Variants in CNTN5 observed in about 807,000 individuals in gnomAD.
CNTN5 encodes the protein contactin 5.
CNTN5 carries 77 observed loss-of-function variants against 129.1 expected under a neutral mutation model. The observed-to-expected ratio is 0.60, with a 90% CI of 0.50 to 0.72. CNTN5 has a LOEUF of 0.72. CNTN5 is among the 30% of genes least tolerant of loss of function. CNTN5 has a pLI of 0.00. For synonymous variants in CNTN5, 509 were observed against 465.6 expected (o/e 1.09, Z -1.20); for missense variants, 1,478 against 1,328.8 (o/e 1.11, Z -1.75).
At chr11:99,162,156 A>G (rs184102429) in intron 1 of CNTN5, among the ~76,000 whole-genome samples, 1 of 152,242 alleles carries the variant, frequency 6.6e-6, no homozygotes, top group East Asian at 1.9e-4. Context: ...GATCTAAACT[A>G]AAAAGAGCTA....
intron 1 of CNTN5, among the ~76,000 whole-genome samples, chr11:99,147,362 T>C (rs1174766863): frequency 1.3e-5 from 2 of 152,170 alleles, no homozygotes; most frequent in Non-Finnish European, 2.9e-5. Context: ...TAATGGAATA[T>C]CCAAATATAA....
At chr11:99,246,569 C>A (rs1479503118) in intron 1 of CNTN5, among the ~76,000 whole-genome samples, 1 of 152,104 alleles carries the variant, frequency 6.6e-6, no homozygotes, top group East Asian at 1.9e-4. Flanking sequence ...CATATAAATA[C>A]CTCCAAAGGC....
chr11:99,612,722 G>A (rs546329548), intron 3 of CNTN5, among the ~76,000 whole-genome samples: 1 of 152,272 alleles, frequency 6.6e-6, no homozygotes, highest in Non-Finnish European at 1.5e-5. Context: ...TGCATTCAAT[G>A]ACTCATTCCC....
chr11:99,025,228 A>G (rs537888931), intron 1 of CNTN5, among the ~76,000 whole-genome samples: 134 of 152,066 alleles, frequency 8.8e-4, no homozygotes, highest in Non-Finnish European at 1.5e-3. Context: ...TGAGTTTTCT[A>G]TGAAAAATAT....
chr11:99,316,963 A>C (rs537467316), intron 1 of CNTN5, among the ~76,000 whole-genome samples: 3 of 152,266 alleles, frequency 2.0e-5, no homozygotes, highest in Non-Finnish European at 2.9e-5. Flanking sequence ...AGAAGTGCTA[A>C]CAGCTGCGAT....
chr11:99,068,798 TTTTG>T (rs1436822518), intron 1 of CNTN5, among the ~76,000 whole-genome samples: 2 of 152,156 alleles, frequency 1.3e-5, no homozygotes, highest in Non-Finnish European at 2.9e-5. Flanking sequence ...ACTGAGTATA[TTTTG>T]TTTGAGTAAA....
chr11:99,499,834 A>C (rs116555114), intron 2 of CNTN5, among the ~76,000 whole-genome samples: 1 of 152,312 alleles, frequency 6.6e-6, no homozygotes, highest in South Asian at 2.1e-4. Flanking sequence ...TGTGTTTCCT[A>C]TGAAATTCAT....
At chr11:99,519,450 G>A (rs1223532497) in intron 2 of CNTN5, among the ~76,000 whole-genome samples, 1 of 152,064 alleles carries the variant, frequency 6.6e-6, no homozygotes, top group East Asian at 1.9e-4. Context: ...GTGGGGATAT[G>A]TGTGTTTCTG....
intron 13 of CNTN5, among the ~76,000 whole-genome samples, chr11:100,146,681 T>G (rs1177163690): frequency 6.6e-6 from 1 of 152,122 alleles, no homozygotes; most frequent in African/African-American, 2.4e-5. Flanking sequence ...CTGTTGAAAA[T>G]ATAATATAGT....
In CNTN5 at chr11:99,272,913, C is replaced by T. The variant is rs577004651; in HGVS notation, c.-209-52433C>T. ...AAACTTATAACATTTAAAGAAAATA[C>T]TCCTTATAAAATTTTGTATTCAAAT... On this transcript the variant is annotated intron_variant, in intron 1 of 24. Coordinates refer to ENST00000524871, the MANE Select transcript of CNTN5 (RefSeq NM_014361.4). Among the ~76,000 whole-genome samples the T allele has an allele frequency of 3.2e-4, 48 of 151,942 alleles. 2 individuals are homozygous for T. In the South Asian group the frequency reaches 7.1e-3, roughly 22 times the overall value.
At chr11:99,392,081 T>C (rs1941290422) in intron 2 of CNTN5, among the ~76,000 whole-genome samples, 2 of 151,908 alleles carry the variant, frequency 1.3e-5, no homozygotes, top group African/African-American at 4.8e-5. Context: ...GTGAGGTGTG[T>C]AGAACTTGGA....
At chr11:99,663,637 C>T (rs1457699170) in intron 3 of CNTN5, among the ~76,000 whole-genome samples, 1 of 152,122 alleles carries the variant, frequency 6.6e-6, no homozygotes, top group African/African-American at 2.4e-5. Context: ...TGGTTTCCCC[C>T]ATGCTGTTCT....
intron 8 of CNTN5, among the ~76,000 whole-genome samples, chr11:99,970,914 A>G (rs1396854848): frequency 6.6e-6 from 1 of 151,972 alleles, no homozygotes; most frequent in Non-Finnish European, 1.5e-5. Context: ...TGACTCCATA[A>G]TTTTTCTTTC....
At chr11:99,567,800 C>T (rs1017387942) in intron 3 of CNTN5, among the ~76,000 whole-genome samples, 45 of 152,132 alleles carry the variant, frequency 3.0e-4, no homozygotes, top group African/African-American at 9.9e-4. Flanking sequence ...ATCAGCTGTG[C>T]CCTGGCGGTA....
intron 3 of CNTN5, among the ~76,000 whole-genome samples, chr11:99,632,624 G>A (rs11220742): frequency 0.2 from 30,146 of 152,114 alleles, 3,041 homozygotes; most frequent in South Asian, 0.29. Flanking sequence ...AAAATTGAAA[G>A]TAGAGAATAT....
intron 2 of CNTN5, among the ~76,000 whole-genome samples, chr11:99,549,758 C>T (rs1948420875): frequency 1.3e-5 from 2 of 152,094 alleles, no homozygotes; most frequent in Non-Finnish European, 2.9e-5. Context: ...AGTCGTGAGC[C>T]ATAGTTGTGT....
intron 13 of CNTN5, among the ~76,000 whole-genome samples, chr11:100,134,153 G>C (rs1455334080): frequency 6.6e-6 from 1 of 152,004 alleles, no homozygotes; most frequent in African/African-American, 2.4e-5. Context: ...GATAGAGAAG[G>C]GCTCATAGCT....
At chr11:99,984,119 A>C (rs776167819) in intron 8 of CNTN5, among the ~76,000 whole-genome samples, 1 of 152,040 alleles carries the variant, frequency 6.6e-6, no homozygotes, top group African/African-American at 2.4e-5. Flanking sequence ...AATACACACA[A>C]AAAATTTTTT....
At chr11:100,064,725 T>G (rs996963415) in intron 10 of CNTN5, among the ~76,000 whole-genome samples, 3 of 152,230 alleles carry the variant, frequency 2.0e-5, no homozygotes, top group Middle Eastern at 3.4e-3. Context: ...CATATAAAAT[T>G]TTGTTTCTAT....
Sources: gnomAD v4.1 joint callset for allele counts (sites outside exome capture counted in the v4.1 genomes callset) on GRCh38, gnomAD v4.1.1 for gene constraint, MANE v1.5 for transcripts, NCBI Gene and HGNC (gene_info 2026-07-23, HGNC 2026-07-21) for gene names.